FAT4: variants seen among roughly 807,000 people sequenced by gnomAD.
FAT4 encodes the protein FAT atypical cadherin 4, also known as protocadherin Fat 4.
Under a neutral mutation model 303.9 loss-of-function variants are expected in FAT4, and 84 were observed. The observed-to-expected ratio is 0.28, with a 90% CI of 0.23 to 0.33. The LOEUF (loss-of-function observed/expected upper bound fraction) is 0.33. Among genes scored for constraint, FAT4 ranks in the 10% least tolerant of loss-of-function variants. FAT4 has a pLI of 1.00. For missense variants in FAT4, 6,005 were observed against 6,146.8 expected, an observed-to-expected ratio of 0.98 and a Z score of 0.77; for synonymous variants, 2,307 against 2,298.8, an observed-to-expected ratio of 1.00 and a Z score of -0.10.
intron 5 of FAT4, among the ~76,000 whole-genome samples, chr4:125,414,461 G>A (rs751654326): frequency 5.9e-5 from 9 of 152,024 alleles, no homozygotes; most frequent in Non-Finnish European, 1.0e-4. Flanking sequence ...ATTTTGACAC[G>A]AAATATAGAA....
At chr4:125,427,471 G>T (rs1456049228) in intron 7 of FAT4, among the ~76,000 whole-genome samples, 2 of 151,844 alleles carry the variant, frequency 1.3e-5, no homozygotes, top group African/African-American at 4.8e-5. Flanking sequence ...CATATATGTA[G>T]AACTAATTAG....
chr4:125,450,242 C>G lies in FAT4; in HGVS notation c.9232C>G (p.His3078Asp), dbSNP rs757570828. 6.2e-7 allele frequency: 1 copy of G among 1,614,066 alleles called. No homozygotes were observed. The highest frequency in any genetic ancestry group is 1.1e-5 in the South Asian group (1 of 91,084). Reference sequence around the variant, plus strand: ...TCCACTTTCTTCCCAAGCAACTGTTCACATAACTGTCACTGAGGAAAACTA... The same window carrying G: ...TCCACTTTCTTCCCAAGCAACTGTTGACATAACTGTCACTGAGGAAAACTA... ...NPPLSSQATV[H>D]ITVTEENYHT... The change falls in exon 10 of 18, where the codon CAC becomes GAC. Residue 3078 changes from histidine (H) to aspartate (D), a missense_variant. His to Asp is a moderately conservative substitution (Grantham distance 81). Coordinates refer to ENST00000394329, the MANE Select transcript of FAT4 (RefSeq NM_001291303.3).
chr4:125,467,215 T>C (rs1172677191), intron 11 of FAT4, among the ~76,000 whole-genome samples: 1 of 152,230 alleles, frequency 6.6e-6, no homozygotes, highest in Non-Finnish European at 1.5e-5. Flanking sequence ...TAACATGTGG[T>C]AGTCAAAATA....
Position 125,431,402 on chromosome 4 carries a change from A to ATTAT in FAT4, c.7019-2841_7019-2838dup, listed in dbSNP as rs527469036. Among the ~76,000 whole-genome samples the ATTAT allele has an allele frequency of 2.4e-3, 368 of 152,338 alleles. 3 individuals are homozygous for ATTAT. Among genetic ancestry groups the ATTAT allele is most frequent in the Admixed American group, 8.1e-3 (124 of 15,302 alleles). On this transcript the variant is annotated intron_variant, in intron 7 of 17. Coordinates refer to ENST00000394329, the MANE Select transcript of FAT4 (RefSeq NM_001291303.3). The stretch of plus-strand genomic sequence containing the variant: ...TACCACAAGTGAATCATTGAGATGA[A>ATTAT]TTATTATTCAAAATATTTTCCTGAA...
Position 125,316,904 on chromosome 4 carries a change from G to T in FAT4, c.493G>T (p.Gly165Cys). The T allele has an allele frequency of 6.2e-7, 1 of 1,613,902 alleles. No homozygotes were observed. The change falls in exon 2 of 18, where the codon GGC becomes TGC. Residue 165 changes from glycine (G) to cysteine (C), a missense_variant. Coordinates refer to ENST00000394329, the MANE Select transcript of FAT4 (RefSeq NM_001291303.3). The surrounding 1 kb of genome is among the most constrained non-coding windows in gnomAD (Gnocchi z 5.7). Reference protein sequence around the residue: ...ILDTATDSDIGSNGVDHRSYR... With the variant: ...ILDTATDSDICSNGVDHRSYR... Reference sequence around the variant, plus strand: ...AGACACCGCCACCGACTCGGACATCGGCTCAAACGGTGTGGACCACCGCTC... The same window carrying T: ...AGACACCGCCACCGACTCGGACATCTGCTCAAACGGTGTGGACCACCGCTC...
At chr4:125,437,630 C>A (rs1229688001) in intron 8 of FAT4, among the ~76,000 whole-genome samples, 1 of 152,160 alleles carries the variant, frequency 6.6e-6, no homozygotes, top group Non-Finnish European at 1.5e-5. Flanking sequence ...AACTGAACTT[C>A]TTCCAGGTTA....
chr4:125,357,915 A>G (rs1732499513), intron 2 of FAT4, among the ~76,000 whole-genome samples: 1 of 152,128 alleles, frequency 6.6e-6, no homozygotes, highest in Non-Finnish European at 1.5e-5. Flanking sequence ...TTACATATGA[A>G]AGGAAAAGCT....
chr4:125,364,308 A>C (rs1459742358), intron 2 of FAT4, among the ~76,000 whole-genome samples: 1 of 151,964 alleles, frequency 6.6e-6, no homozygotes, highest in Non-Finnish European at 1.5e-5. Context: ...TGTCACATTT[A>C]TGTTGATCTC....
At chr4:125,472,296 C>G (rs1220436510) in intron 12 of FAT4, among the ~76,000 whole-genome samples, 1 of 151,958 alleles carries the variant, frequency 6.6e-6, no homozygotes, top group Non-Finnish European at 1.5e-5. Flanking sequence ...TTATATAGTC[C>G]TTAGACTGAT....
intron 9 of FAT4, among the ~76,000 whole-genome samples, chr4:125,447,148 C>T (rs1180777816): frequency 1.3e-5 from 2 of 152,002 alleles, no homozygotes; most frequent in Non-Finnish European, 2.9e-5. Flanking sequence ...ATTTATCCTT[C>T]TGTATCTCTT....
rs531470094 is a variant in FAT4, at chr4:125,380,457, G to A, written c.5176-18327G>A. Among the ~76,000 whole-genome samples, 38 of 152,242 alleles carry A rather than the reference G, an allele frequency of 2.5e-4. 2 individuals carry two copies. The South Asian group carries it at 7.5e-3, about 30-fold the overall frequency. The stretch of plus-strand genomic sequence containing the variant: ...AATGTAATGTAAAAATTTGCATAAT[G>A]CTTTTACATATGTAATCCATACAAT... On this transcript the variant is annotated intron_variant, in intron 2 of 17. Coordinates refer to ENST00000394329, the MANE Select transcript of FAT4 (RefSeq NM_001291303.3).
chr4:125,433,490 C>A (rs760013282), intron 7 of FAT4, among the ~76,000 whole-genome samples: 1 of 152,148 alleles, frequency 6.6e-6, no homozygotes, highest in Admixed American at 6.5e-5. Flanking sequence ...AGAATTCCAA[C>A]ACATATGGCA....
At chr4:125,379,965 C>A (rs536363933) in intron 2 of FAT4, among the ~76,000 whole-genome samples, 1 of 152,108 alleles carries the variant, frequency 6.6e-6, no homozygotes, top group Non-Finnish European at 1.5e-5. Context: ...GCGATCTGGG[C>A]TCACCGCAAC....
intron 3 of FAT4, among the ~76,000 whole-genome samples, chr4:125,402,432 A>C (rs1734424197): frequency 1.3e-5 from 2 of 151,984 alleles, no homozygotes; most frequent in Admixed American, 1.3e-4. Flanking sequence ...TGCTTATTGA[A>C]AGTTTTTGTT....
At chr4:125,380,311 C>T (rs947273323) in intron 2 of FAT4, among the ~76,000 whole-genome samples, 1 of 152,166 alleles carries the variant, frequency 6.6e-6, no homozygotes, top group African/African-American at 2.4e-5. Flanking sequence ...CAATATTAAC[C>T]TGCGAAGGGT....
Position 125,318,583 on chromosome 4 carries a change from C to G in FAT4, c.2172C>G (p.Val724=), listed in dbSNP as rs1355730231. 1 of 1,614,138 alleles carries G rather than the reference C, an allele frequency of 6.2e-7. No homozygotes were observed. ...CAGACTTGGGTACCAATGGTACTGT[C>G]AAATATAGCATATCTGCTGGGGACA... ...TDPDLGTNGT[V]KYSISAGDRS... Residue 724 remains valine, a synonymous_variant, in exon 2 of 18, where the codon GTC becomes GTG. Transcript: ENST00000394329.
chr4:125,371,229 A>C (rs933077711), intron 2 of FAT4, among the ~76,000 whole-genome samples: 2 of 151,916 alleles, frequency 1.3e-5, no homozygotes, highest in African/African-American at 2.4e-5. Context: ...GGGACTTAAA[A>C]ATTTCTACAT....
intron 17 of FAT4, among the ~76,000 whole-genome samples, chr4:125,488,521 A>G (rs758548916): frequency 6.6e-6 from 1 of 152,188 alleles, no homozygotes; most frequent in Non-Finnish European, 1.5e-5. Flanking sequence ...AGAAATGGAT[A>G]GGCAAGAAAT....
rs75942329 is a variant in FAT4, at chr4:125,415,441, A to G, written c.6478A>G (p.Lys2160Glu). ...NNPIFAQALY[K>E]VEINENTLTG... ...CCCCATCTTTGCACAAGCTTTGTATAAAGTGGAGATTAATGAAAACACACT... is the reference window on the plus strand; with the variant it reads ...CCCCATCTTTGCACAAGCTTTGTATGAAGTGGAGATTAATGAAAACACACT... The change falls in exon 6 of 18, where the codon AAA (lysine) becomes GAA (glutamate). Residue 2160 changes from lysine (K) to glutamate (E), a missense_variant. By Grantham distance (56) the Lys-to-Glu change is moderately conservative. Coordinates refer to ENST00000394329, the MANE Select transcript of FAT4 (RefSeq NM_001291303.3). The G allele has an allele frequency of 9.1e-4, 1,461 of 1,614,100 alleles. 13 individuals are homozygous for G. The African/African-American group carries it at 0.018, about 20-fold the overall frequency.
Sources: gnomAD v4.1 joint callset for allele counts (sites outside exome capture counted in the v4.1 genomes callset) on GRCh38, gnomAD v4.1.1 for gene constraint, Gnocchi (gnomAD v3.1) non-coding constraint, MANE v1.5 for transcripts, NCBI Gene and HGNC (gene_info 2026-07-23, HGNC 2026-07-21) for gene names.